RDX: variants seen among roughly 807,000 people sequenced by gnomAD.
The protein encoded by RDX is deafness, autosomal recessive 24.
Under a neutral mutation model 83.7 loss-of-function variants are expected in RDX, and 32 were observed. The observed-to-expected ratio is 0.38, with a 90% CI of 0.29 to 0.51. The LOEUF is 0.51. Ranked by LOEUF, RDX falls within the 20% of genes least tolerant of loss-of-function variation. RDX has a pLI of 0.87. For synonymous variants in RDX, 229 were observed against 222.7 expected, an observed-to-expected ratio of 1.03 and a Z score of -0.25; for missense variants, 600 against 689.9, an observed-to-expected ratio of 0.87 and a Z score of 1.46.
At chr11:110,228,603 A>G (rs552556889), downstream of RDX, among the ~76,000 whole-genome samples, 4 of 152,152 alleles carry the variant, frequency 2.6e-5, no homozygotes, top group East Asian at 5.8e-4. Flanking sequence ...TATTGTGCAT[A>G]TGTAAAATGG....
intron 10 of RDX, among the ~76,000 whole-genome samples, chr11:110,240,574 T>A (rs1366804332): frequency 6.6e-6 from 1 of 150,690 alleles, no homozygotes; most frequent in Non-Finnish European, 1.5e-5. Flanking sequence ...AAACCCCGTC[T>A]CTACTAAAAA....
chr11:110,209,376 T>G (rs1289204036), intron 14 of RDX, among the ~76,000 whole-genome samples: 2 of 151,392 alleles, frequency 1.3e-5, no homozygotes, highest in African/African-American at 2.4e-5. Flanking sequence ...CATAGCAGTC[T>G]GAGATCAAAC....
At chr11:110,282,748 G>A (rs757672520) in intron 1 of RDX, among the ~76,000 whole-genome samples, 3 of 152,198 alleles carry the variant, frequency 2.0e-5, no homozygotes, top group Non-Finnish European at 2.9e-5. Flanking sequence ...GGAGGCCAAC[G>A]CAGGAGGATC....
At chr11:110,176,079 TC>T (rs2134212318) in intron 15 of RDX, among the ~76,000 whole-genome samples, 2 of 139,012 alleles carry the variant, frequency 1.4e-5, no homozygotes, top group African/African-American at 5.4e-5. Flanking sequence ...TTTTTCTTTT[TC>T]TTTTTTTCTT....
At chr11:110,237,870 C>T (rs192796499) in intron 10 of RDX, 7 of 604,656 alleles carry the variant, frequency 1.2e-5, no homozygotes, top group East Asian at 1.1e-4. Context: ...CTCATGGGCT[C>T]GAGCAATCCT....
intron 13 of RDX, among the ~76,000 whole-genome samples, chr11:110,232,401 A>C (rs144291052): frequency 7.8e-4 from 118 of 152,148 alleles, no homozygotes; most frequent in African/African-American, 2.6e-3. Context: ...TGTAACTATC[A>C]CCTCATTTTC....
chr11:110,249,792 T>C (rs1859253908), intron 9 of RDX, among the ~76,000 whole-genome samples: 1 of 152,152 alleles, frequency 6.6e-6, no homozygotes, highest in Admixed American at 6.5e-5. Context: ...GAGGATCACT[T>C]GTGTCCAGGA....
At chr11:110,241,048 T>C in intron 10 of RDX, among the ~76,000 whole-genome samples, 1 of 96,394 alleles carries the variant, frequency 1.0e-5, no homozygotes, top group Non-Finnish European at 1.9e-5. Context: ...AGAGTGAGAC[T>C]CTGTCTCCAA....
In RDX at chr11:110,240,571, G is replaced by A. The variant is rs535590966; in HGVS notation, c.1091-2919C>T. Among the ~76,000 whole-genome samples, 1,337 of 151,198 alleles carry A rather than the reference G, an allele frequency of 8.8e-3. 21 individuals carry two copies. Among genetic ancestry groups the A allele is most frequent in the African/African-American group, 0.03 (1,224 of 41,150 alleles). The stretch of plus-strand genomic sequence containing the variant: ...ATCCTGGCTAACACGGTGAAACCCC[G>A]TCTCTACTAAAAATACAAAAAAAAT... On this transcript the variant is annotated intron_variant, in intron 10 of 13. Coordinates refer to ENST00000645495, the MANE Select transcript of RDX (RefSeq NM_002906.4).
chr11:110,194,147 T>C (rs1441747377), intron 15 of RDX, among the ~76,000 whole-genome samples: 2 of 152,222 alleles, frequency 1.3e-5, no homozygotes, highest in Non-Finnish European at 2.9e-5. Context: ...GAGTTACTTG[T>C]TCAATGTTTT....
chr11:110,285,334 A>G (rs1207427867), intron 1 of RDX, among the ~76,000 whole-genome samples: 1 of 152,056 alleles, frequency 6.6e-6, no homozygotes, highest in African/African-American at 2.4e-5. Flanking sequence ...GCAGTGAGCC[A>G]AGATCGCGCC....
chr11:110,268,967 A>G (rs1327809480), intron 3 of RDX, among the ~76,000 whole-genome samples: 1 of 149,464 alleles, frequency 6.7e-6, no homozygotes, highest in Middle Eastern at 3.3e-3. Context: ...CATATTATAT[A>G]TACATATATA....
At chr11:110,242,518 C>T (rs773310821) in intron 10 of RDX, among the ~76,000 whole-genome samples, 1 of 149,210 alleles carries the variant, frequency 6.7e-6, no homozygotes, top group Non-Finnish European at 1.5e-5. Flanking sequence ...AAAATTGTTT[C>T]TGTATTATGA....
At chr11:110,239,038 G>A (rs575459115) in intron 10 of RDX, among the ~76,000 whole-genome samples, 3 of 152,006 alleles carry the variant, frequency 2.0e-5, no homozygotes, top group Non-Finnish European at 2.9e-5. Flanking sequence ...CAGCACTTTC[G>A]AAGGGAAAGG....
chr11:110,197,778 G>A (rs1423924766), intron 15 of RDX, among the ~76,000 whole-genome samples: 2 of 152,156 alleles, frequency 1.3e-5, no homozygotes, highest in African/African-American at 4.8e-5. Context: ...GGCAATCTAT[G>A]GCACATTAAG....
In RDX at chr11:110,271,965, C is replaced by T. The variant is rs1860327258; in HGVS notation, c.96+571G>A. 2.0e-5 allele frequency among the ~76,000 whole-genome samples: 3 copies of T among 152,186 alleles called. No homozygotes were observed. The South Asian group carries it at 6.2e-4, about 32-fold the overall frequency. ...CTAACGTGATGGGTCGCAGTCAAAA[C>T]TCAGTATGCATAAAATTATTTAAAG... On this transcript the variant is annotated intron_variant, in intron 3 of 13. Coordinates refer to ENST00000645495, the MANE Select transcript of RDX (RefSeq NM_002906.4).
intron 14 of RDX, among the ~76,000 whole-genome samples, chr11:110,214,184 G>A (rs61900217): frequency 3.3e-5 from 5 of 151,514 alleles, no homozygotes; most frequent in East Asian, 1.9e-4. Flanking sequence ...GGAGAAGGAC[G>A]TGAACAGACA....
intron 14 of RDX, among the ~76,000 whole-genome samples, chr11:110,203,916 C>CCTAG (rs1591508867): frequency 6.6e-6 from 1 of 152,032 alleles, no homozygotes; most frequent in African/African-American, 2.4e-5. Flanking sequence ...GTGCCATGTG[C>CCTAG]CTATAGTCCC....
At chr11:110,215,356 C>T (rs1218420456) in intron 14 of RDX, among the ~76,000 whole-genome samples, 1 of 146,648 alleles carries the variant, frequency 6.8e-6, no homozygotes, top group Non-Finnish European at 1.5e-5. Context: ...GAGCGAGACT[C>T]CATCTCAAAA....
Sources: allele counts gnomAD v4.1 joint callset (sites outside exome capture counted in the v4.1 genomes callset), GRCh38; gene constraint gnomAD v4.1.1; transcripts MANE v1.5; gene names NCBI Gene and HGNC (gene_info 2026-07-23, HGNC 2026-07-21).